RANBP17: variants seen among roughly 807,000 people sequenced by gnomAD.
RANBP17 encodes the protein RAN binding protein 17, also known as ran-binding protein 17.
Under a neutral mutation model 141.2 loss-of-function variants are expected in RANBP17, and 158 were observed. That is an observed-to-expected ratio of 1.12 (90% confidence interval 0.98 to 1.28). The LOEUF (loss-of-function observed/expected upper bound fraction) is 1.28, where lower values mean the gene tolerates loss of function less well. Ranked by LOEUF, RANBP17 falls within the 50% of genes most tolerant of loss-of-function variation. The probability of loss-of-function intolerance (pLI) is 0.00; values close to 1 mark genes in which losing one functional copy is unlikely to be tolerated. For synonymous variants in RANBP17, 430 were observed against 450.0 expected, an observed-to-expected ratio of 0.96 and a Z score of 0.56; for missense variants, 1,438 against 1,290.7, an observed-to-expected ratio of 1.11 and a Z score of -1.75.
At chr5:171,176,631 T>TTG (rs1169267680) in intron 16 of RANBP17, among the ~76,000 whole-genome samples, 1 of 152,166 alleles carries the variant, frequency 6.6e-6, no homozygotes, top group Non-Finnish European at 1.5e-5. Flanking sequence ...TCTGTTTAAA[T>TTG]TTAACTCAGA....
intron 14 of RANBP17, among the ~76,000 whole-genome samples, chr5:170,995,249 C>T (rs532949876): frequency 3.9e-5 from 6 of 152,150 alleles, no homozygotes; most frequent in African/African-American, 1.2e-4. Context: ...GGCCAAGCTA[C>T]GTACCCATTT....
rs565398335 is a variant in RANBP17, at chr5:170,967,300, T to C, written c.1575-942T>C. The stretch of plus-strand genomic sequence containing the variant: ...GAAGACATATAAACTATTAATAATG[T>C]GTGTATATATGTTCATGTGTGCATA... On this transcript the variant is annotated intron_variant, in intron 13 of 27. Transcript: ENST00000523189. Among the ~76,000 whole-genome samples the C allele has an allele frequency of 1.2e-3, 190 of 152,202 alleles. No homozygotes were observed. In the South Asian group the frequency reaches 0.013, roughly 10 times the overall value.
chr5:171,221,556 A>G (rs1043233412), intron 21 of RANBP17, among the ~76,000 whole-genome samples: 3 of 152,242 alleles, frequency 2.0e-5, no homozygotes, highest in Non-Finnish European at 4.4e-5. Context: ...AAATGAAAAT[A>G]ATTCTTCTTA....
At chr5:170,927,383 A>C (rs1422312040) in intron 12 of RANBP17, among the ~76,000 whole-genome samples, 1 of 152,142 alleles carries the variant, frequency 6.6e-6, no homozygotes, top group Non-Finnish European at 1.5e-5. Context: ...CCTGTCATCT[A>C]CATTAGGTAT....
chr5:171,251,880 A>C, intron 24 of RANBP17: 1 of 1,486,440 alleles, frequency 6.7e-7, no homozygotes, highest in Non-Finnish European at 9.4e-7. Context: ...CTTCGGCATT[A>C]GAGAAGGAGA....
intron 3 of RANBP17, among the ~76,000 whole-genome samples, chr5:170,890,140 C>G (rs1862551): frequency 6.6e-6 from 1 of 152,060 alleles, no homozygotes; most frequent in Non-Finnish European, 1.5e-5. Flanking sequence ...TGAGATTACC[C>G]TCCTCCTAGT....
At chr5:170,968,451 T>C (rs1290095559) in intron 14 of RANBP17, 74 bp downstream of exon 14, 1 of 1,368,768 alleles carries the variant, frequency 7.3e-7, no homozygotes, top group Non-Finnish European at 1.0e-6. Context: ...CTGAATGATA[T>C]ATTTGGGAAA....
At chr5:170,865,740 AG>A (rs1323183859) in intron 1 of RANBP17, among the ~76,000 whole-genome samples, 12 of 152,182 alleles carry the variant, frequency 7.9e-5, no homozygotes, top group Non-Finnish European at 1.5e-5. Flanking sequence ...TCTCAGACCA[AG>A]TGCAAGTTTG....
chr5:171,265,853 T>TG lies in RANBP17; in HGVS notation c.2943+8dup. The stretch of plus-strand genomic sequence containing the variant: ...ACCCAGATGTCCTGCAGCAGGTAAC[T>TG]GGTGGTTGATCACCTGGCTTAAGAA... On this transcript the variant is annotated splice_region_variant and intron_variant, in intron 25 of 27. Coordinates refer to ENST00000523189, the MANE Select transcript of RANBP17 (RefSeq NM_022897.5). 6.2e-7 allele frequency: 1 copy of TG among 1,610,718 alleles called. No individual in the cohort carries two copies.
intron 25 of RANBP17, chr5:171,284,617 C>T (rs940912290): frequency 1.3e-5 from 2 of 152,128 alleles, no homozygotes; most frequent in East Asian, 1.9e-4. Flanking sequence ...GAGCCACGCG[C>T]CCAGCCTGAG....
Position 171,183,346 on chromosome 5 carries a change from A to G in RANBP17, c.1954A>G (p.Ile652Val). Reference protein sequence around the residue: ...HTSEHFPFLGISDNHSLSDFR... With the variant: ...HTSEHFPFLGVSDNHSLSDFR... ...GAGTGAACACTTCCCTTTTCTTGGC[A>G]TCAGTGACAATCATAGTCTCAGCGA... is the stretch of plus-strand genomic sequence containing the variant. The change falls in exon 18 of 28, where the codon ATC (isoleucine) becomes GTC (valine). Residue 652 changes from isoleucine (I) to valine (V), a missense_variant. Ile to Val is a conservative substitution (Grantham distance 29, BLOSUM62 3). Coordinates refer to ENST00000523189, the MANE Select transcript of RANBP17 (RefSeq NM_022897.5). The G allele has an allele frequency of 6.2e-7, 1 of 1,614,048 alleles. No homozygotes were observed. The highest frequency in any genetic ancestry group is 8.5e-7 in the Non-Finnish European group (1 of 1,179,904).
At chr5:170,889,846 A>G (rs1769455210) in intron 3 of RANBP17, among the ~76,000 whole-genome samples, 1 of 152,084 alleles carries the variant, frequency 6.6e-6, no homozygotes. Context: ...TGTACCAGTG[A>G]GGAGGAGATT....
intron 14 of RANBP17, among the ~76,000 whole-genome samples, chr5:171,064,568 C>G (rs1784173720): frequency 6.6e-6 from 1 of 152,158 alleles, no homozygotes; most frequent in Non-Finnish European, 1.5e-5. Context: ...ATGATCTTGG[C>G]TCACTGCAAC....
intron 12 of RANBP17, among the ~76,000 whole-genome samples, chr5:170,942,138 T>TG (rs1156239016): frequency 6.6e-6 from 1 of 152,080 alleles, no homozygotes; most frequent in Non-Finnish European, 1.5e-5. Context: ...ACACTCCTTT[T>TG]GAGAATCTAA....
At chr5:170,913,837 G>A (rs1771729895) in intron 7 of RANBP17, among the ~76,000 whole-genome samples, 1 of 151,870 alleles carries the variant, frequency 6.6e-6, no homozygotes, top group South Asian at 2.1e-4. Flanking sequence ...TTTATTGTAA[G>A]CTTTTTAGTA....
Position 171,170,194 on chromosome 5 carries a change from T to C in RANBP17, c.1775T>C (p.Met592Thr). Residue 592 changes from methionine to threonine, a missense_variant, in exon 15 of 28, where the codon ATG (methionine) becomes ACG (threonine). Met to Thr is a moderately conservative substitution (Grantham distance 81, BLOSUM62 -1). Coordinates refer to ENST00000523189, the MANE Select transcript of RANBP17 (RefSeq NM_022897.5). The stretch of plus-strand genomic sequence containing the variant: ...GACAACCACGTTCTAGAGACGTTCA[T>C]GACAAAAATGTGAGTTCTTGTTTTG... The part of the protein sequence containing the change: ...TDDNHVLETF[M>T]TKIVTNLKYW... 6.4e-7 allele frequency: 1 copy of C among 1,558,050 alleles called. No homozygotes were observed. Among genetic ancestry groups the C allele is most frequent in the Non-Finnish European group, 8.7e-7 (1 of 1,147,662 alleles).
intron 24 of RANBP17, among the ~76,000 whole-genome samples, chr5:171,260,594 C>T (rs1220852946): frequency 6.6e-6 from 1 of 151,792 alleles, no homozygotes; most frequent in Non-Finnish European, 1.5e-5. Flanking sequence ...TGTTTGATAG[C>T]AGAGTAGGGT....
Position 170,878,244 on chromosome 5 carries a change from G to A in RANBP17, c.165+1G>A, listed in dbSNP as rs745944274. On this transcript the variant is annotated splice_donor_variant, in intron 2 of 27. Transcript: ENST00000523189. LOFTEE classifies it high-confidence loss of function. ...TCAACTTTTATTAGAACAAGGAACA[G>A]TAAGTATTTGGTAACAATGATTAAC... is the stretch of plus-strand genomic sequence containing the variant. 1.2e-6 allele frequency: 2 copies of A among 1,603,588 alleles called. No individual in the cohort carries two copies. The highest frequency in any genetic ancestry group is 1.7e-5 in the Admixed American group (1 of 58,300).
intron 12 of RANBP17, among the ~76,000 whole-genome samples, chr5:170,935,537 C>A (rs1300237056): frequency 1.3e-5 from 2 of 152,182 alleles, no homozygotes; most frequent in African/African-American, 4.8e-5. Context: ...ACAGTCAGGA[C>A]CCTCAGCTGC....
Sources: allele counts gnomAD v4.1 joint callset (sites outside exome capture counted in the v4.1 genomes callset), GRCh38; gene constraint gnomAD v4.1.1; transcripts MANE v1.5; gene names NCBI Gene and HGNC (gene_info 2026-07-23, HGNC 2026-07-21).